ZNF678: variants seen among roughly 807,000 people sequenced by gnomAD.
The protein encoded by ZNF678 is zinc finger protein 678, also known as hypothetical protein MGC42493.
Under a neutral mutation model 3.0 loss-of-function variants are expected in ZNF678, and 5 were observed. That is an observed-to-expected ratio of 1.69 (90% CI 0.88 to 3.56). The LOEUF is 3.56. Among genes scored for constraint, ZNF678 ranks in the 30% most tolerant of loss-of-function variants. The probability of loss-of-function intolerance (pLI) is 0.00; values close to 1 mark genes in which losing one functional copy is unlikely to be tolerated. For missense variants in ZNF678, 593 were observed against 605.0 expected, an observed-to-expected ratio of 0.98 and a Z score of 0.21; for synonymous variants, 218 against 199.6, an observed-to-expected ratio of 1.09 and a Z score of -0.78.
chr1:227,665,150 A>G (rs77491283), downstream of ZNF678, among the ~76,000 whole-genome samples: 4,863 of 152,274 alleles, frequency 0.032, 134 homozygotes, highest in Non-Finnish European at 0.053. Flanking sequence ...AAATTTAGAG[A>G]TGAAAGAATT....
chr1:227,583,264 C>T (rs1233526317), intron 1 of ZNF678, among the ~76,000 whole-genome samples: 1 of 152,030 alleles, frequency 6.6e-6, no homozygotes, highest in Non-Finnish European at 1.5e-5. Context: ...TTTATGAACC[C>T]CTACTATTAA....
intron 1 of ZNF678, among the ~76,000 whole-genome samples, chr1:227,640,929 T>A (rs1367653555): frequency 6.6e-6 from 1 of 152,198 alleles, no homozygotes; most frequent in African/African-American, 2.4e-5. Flanking sequence ...ATCAAATGGC[T>A]TGGAGGCGTC....
intron 1 of ZNF678, among the ~76,000 whole-genome samples, chr1:227,636,035 C>T (rs565250314): frequency 3.3e-5 from 5 of 152,258 alleles, no homozygotes; most frequent in South Asian, 2.1e-4. Context: ...TGGTATCCAT[C>T]GTGTCGTTGT....
At chr1:227,643,971 C>G (rs986806017) in intron 1 of ZNF678, among the ~76,000 whole-genome samples, 2 of 147,554 alleles carry the variant, frequency 1.4e-5, no homozygotes, top group African/African-American at 5.0e-5. Flanking sequence ...TCAAGTGATT[C>G]TCCTGCGTCA....
intron 1 of ZNF678, among the ~76,000 whole-genome samples, chr1:227,625,382 G>A (rs1209890732): frequency 6.6e-6 from 1 of 152,186 alleles, no homozygotes; most frequent in Non-Finnish European, 1.5e-5. Flanking sequence ...GTGCAGTTGA[G>A]ATTTCCTCAG....
intron 5 of ZNF678, among the ~76,000 whole-genome samples, chr1:227,671,123 C>G (rs1659594348): frequency 7.1e-6 from 1 of 140,244 alleles, no homozygotes; most frequent in East Asian, 2.1e-4. Context: ...GTTGCTCAGA[C>G]TGGAGTGCGG....
intron 1 of ZNF678, among the ~76,000 whole-genome samples, chr1:227,644,431 T>G (rs1658905960): frequency 1.3e-5 from 2 of 152,212 alleles, no homozygotes; most frequent in Admixed American, 1.3e-4. Context: ...TGTGGTCCTC[T>G]TTAAACTTTA....
At chr1:227,619,668 C>T (rs575692319) in intron 1 of ZNF678, among the ~76,000 whole-genome samples, 89 of 152,190 alleles carry the variant, frequency 5.8e-4, no homozygotes, top group African/African-American at 1.9e-3. Context: ...CCGCCCACCA[C>T]GACTGGCTAA....
At chr1:227,627,129 C>T (rs1445730495) in intron 1 of ZNF678, among the ~76,000 whole-genome samples, 1 of 150,620 alleles carries the variant, frequency 6.6e-6, no homozygotes, top group Non-Finnish European at 1.5e-5. Context: ...ACTTCACAGG[C>T]CCTAACTGTC....
At chr1:227,609,693 T>C (rs1443000287) in intron 1 of ZNF678, among the ~76,000 whole-genome samples, 1 of 152,164 alleles carries the variant, frequency 6.6e-6, no homozygotes, top group East Asian at 1.9e-4. Flanking sequence ...GCAAAAATAC[T>C]AACAGGATTA....
intron 1 of ZNF678, among the ~76,000 whole-genome samples, chr1:227,591,827 G>A (rs1404989283): frequency 6.6e-6 from 1 of 152,166 alleles, no homozygotes; most frequent in Non-Finnish European, 1.5e-5. Context: ...GTGACTTGAT[G>A]TATACACTGC....
intron 1 of ZNF678, among the ~76,000 whole-genome samples, chr1:227,624,325 A>G (rs776866951): frequency 2.0e-5 from 3 of 152,214 alleles, no homozygotes; most frequent in African/African-American, 7.2e-5. Context: ...AAAGACCCCA[A>G]TTTAACAACT....
intron 1 of ZNF678, among the ~76,000 whole-genome samples, chr1:227,612,848 C>T (rs1292217492): frequency 3.9e-5 from 6 of 152,178 alleles, no homozygotes; most frequent in African/African-American, 7.2e-5. Flanking sequence ...CTGTGGGTGA[C>T]ACCTACAACC....
Position 227,652,833 on chromosome 1 carries a change from A to G in ZNF678, c.86-1503A>G, listed in dbSNP as rs147968758. 1.3e-3 allele frequency among the ~76,000 whole-genome samples: 203 copies of G among 152,210 alleles called. 2 individuals carry two copies. Among genetic ancestry groups the G allele is most frequent in the African/African-American group, 4.1e-3 (169 of 41,562 alleles). On this transcript the variant is annotated intron_variant, in intron 3 of 3. Coordinates refer to ENST00000343776, the MANE Select transcript of ZNF678 (RefSeq NM_001367909.1). ...TAAAACTACAGAATTTTATTTTTGTATATGTGTACATCTTTCCCAGACAGT... is the reference window on the plus strand; with the variant it reads ...TAAAACTACAGAATTTTATTTTTGTGTATGTGTACATCTTTCCCAGACAGT...
intron 1 of ZNF678, among the ~76,000 whole-genome samples, chr1:227,596,792 A>C (rs552771777): frequency 1.3e-5 from 2 of 152,378 alleles, no homozygotes; most frequent in South Asian, 4.1e-4. Flanking sequence ...TGCCTGTTAC[A>C]AAGGATGTGC....
Position 227,657,085 on chromosome 1 carries a change from G to A in ZNF678, c.*1257G>A, listed in dbSNP as rs1484272398. 1.3e-5 allele frequency: 2 copies of A among 151,870 alleles called. No homozygotes were observed. The allele number at this position is 151,870 out of a possible 1,614,324, so 9.4% of individuals were successfully genotyped here. On this transcript the variant is annotated 3_prime_UTR_variant, in exon 4 of 4. Coordinates refer to ENST00000343776, the MANE Select transcript of ZNF678 (RefSeq NM_001367909.1). ...TGTGTTCCCCCATGTTGGAGGCGGGGTCTAGTGGAAGGTGTTTAGGTCATG... is the reference window on the plus strand; with the variant it reads ...TGTGTTCCCCCATGTTGGAGGCGGGATCTAGTGGAAGGTGTTTAGGTCATG...
At position 227,638,272 on chromosome 1, in the gene ZNF678, G is replaced by A. The variant is rs1002064646; in HGVS notation, c.-163-8272G>A. Among the ~76,000 whole-genome samples, 2 of 152,160 alleles carry A rather than the reference G, an allele frequency of 1.3e-5. No individual in the cohort carries two copies. The highest frequency in any genetic ancestry group is 4.8e-5 in the African/African-American group (2 of 41,424). ...AATAGAAAAATGGGTGGTATTGGAG[G>A]GAATTGCGGAAAGTGAAGTATATGG... On this transcript the variant is annotated intron_variant, in intron 1 of 3. Coordinates refer to ENST00000343776, the MANE Select transcript of ZNF678 (RefSeq NM_001367909.1). This position sits in a 1 kb window ranked among gnomAD's most constrained non-coding sequence, Gnocchi z 4.2.
intron 1 of ZNF678, among the ~76,000 whole-genome samples, chr1:227,608,674 A>G (rs1657939810): frequency 6.6e-6 from 1 of 152,216 alleles, no homozygotes; most frequent in Admixed American, 6.5e-5. Flanking sequence ...TTTGGGAATA[A>G]TATTCTATAT....
intron 1 of ZNF678, among the ~76,000 whole-genome samples, chr1:227,573,946 A>T (rs1299377065): frequency 1.3e-5 from 2 of 151,988 alleles, no homozygotes; most frequent in African/African-American, 4.8e-5. Flanking sequence ...TTCCTGTGTT[A>T]TTTTGCTAAG....
Sources: gnomAD v4.1 joint callset for allele counts (sites outside exome capture counted in the v4.1 genomes callset) on GRCh38, gnomAD v4.1.1 for gene constraint, Gnocchi (gnomAD v3.1) non-coding constraint, MANE v1.5 for transcripts, NCBI Gene and HGNC (gene_info 2026-07-23, HGNC 2026-07-21) for gene names.